PTPRN2: variants seen among roughly 807,000 people sequenced by gnomAD.
PTPRN2 encodes receptor-type tyrosine-protein phosphatase N2.
Under a neutral mutation model 118.8 loss-of-function variants are expected in PTPRN2, and 74 were observed. The ratio of observed to expected loss-of-function variants is 0.62; its 90% CI spans 0.52 to 0.76. The LOEUF is 0.76. PTPRN2 is among the 30% of genes least tolerant of loss of function. The pLI, the probability that PTPRN2 is intolerant of heterozygous loss-of-function variation, is 0.00. For synonymous variants in PTPRN2, 641 were observed against 608.0 expected, an observed-to-expected ratio of 1.05 and a Z score of -0.80; for missense variants, 1,481 against 1,394.4, an observed-to-expected ratio of 1.06 and a Z score of -0.99.
intron 11 of PTPRN2, among the ~76,000 whole-genome samples, chr7:157,932,629 TG>T (rs1189751903): frequency 6.6e-6 from 1 of 151,472 alleles, no homozygotes; most frequent in Non-Finnish European, 1.5e-5. Context: ...ACAGTAGGGT[TG>T]GGTCATTCTG....
At chr7:157,651,916 G>C (rs1333921354) in intron 14 of PTPRN2, among the ~76,000 whole-genome samples, 2 of 152,136 alleles carry the variant, frequency 1.3e-5, no homozygotes, top group Non-Finnish European at 2.9e-5. Context: ...CCTCCTCTGA[G>C]TGCTCCATTC....
intron 1 of PTPRN2, among the ~76,000 whole-genome samples, chr7:158,538,097 TC>T (rs371139638): frequency 6.6e-6 from 1 of 152,182 alleles, no homozygotes; most frequent in Non-Finnish European, 1.5e-5. Flanking sequence ...GGACAGAGGG[TC>T]CCCCTGTGGA....
chr7:157,745,317 A>G (rs1357600896), intron 12 of PTPRN2, among the ~76,000 whole-genome samples: 1 of 152,046 alleles, frequency 6.6e-6, no homozygotes, highest in Non-Finnish European at 1.5e-5. Context: ...AAGCTTCTGC[A>G]CGGACTCGTC....
At chr7:158,042,553 C>T (rs1480766197) in intron 11 of PTPRN2, among the ~76,000 whole-genome samples, 2 of 152,196 alleles carry the variant, frequency 1.3e-5, no homozygotes, top group Non-Finnish European at 1.5e-5. Context: ...TTACTTTCCC[C>T]GCACTTAACA....
rs113420400 is a variant in PTPRN2, at chr7:158,482,775, G to A, written c.163+6960C>T. ...TATTCACAAATGAGCCCATTCACTA[G>A]TTTTTCTTGGGCAATTTCTGAAGCA... On this transcript the variant is annotated intron_variant, in intron 2 of 22. Coordinates refer to ENST00000389418, the MANE Select transcript of PTPRN2 (RefSeq NM_002847.5). Among the ~76,000 whole-genome samples the A allele has an allele frequency of 5.9e-4, 90 of 152,132 alleles. 1 individual carries two copies. Among genetic ancestry groups the A allele is most frequent in the Non-Finnish European group, 2.9e-4 (20 of 68,038 alleles).
At chr7:157,737,535 A>T (rs1361965489) in intron 12 of PTPRN2, among the ~76,000 whole-genome samples, 4 of 152,202 alleles carry the variant, frequency 2.6e-5, no homozygotes, top group African/African-American at 9.6e-5. Context: ...TTCCCTGGTT[A>T]TCCCCTGAGG....
In PTPRN2 at chr7:158,526,690, C is replaced by T. The variant is rs1340317668; in HGVS notation, c.113-36905G>A. 1.3e-5 allele frequency among the ~76,000 whole-genome samples: 2 copies of T among 152,098 alleles called. No individual in the cohort carries two copies. Among genetic ancestry groups the T allele is most frequent in the Non-Finnish European group, 2.9e-5 (2 of 68,026 alleles). Reference sequence around the variant, plus strand: ...CGAGGTCGCCGGATGGGCCCGGATCCAGGCTGACTGGGTCCTTATGGAGGA... The same window carrying T: ...CGAGGTCGCCGGATGGGCCCGGATCTAGGCTGACTGGGTCCTTATGGAGGA... On this transcript the variant is annotated intron_variant, in intron 1 of 22. Transcript: ENST00000389418. This position sits in a 1 kb window ranked among gnomAD's most constrained non-coding sequence, Gnocchi z 5.2.
chr7:157,923,336 G>T (rs1039309713), intron 11 of PTPRN2, among the ~76,000 whole-genome samples: 2 of 152,168 alleles, frequency 1.3e-5, no homozygotes, highest in Non-Finnish European at 2.9e-5. Flanking sequence ...GTGTGTTCTG[G>T]CAGGGCAAGA....
chr7:158,146,486 C>G (rs568599062), intron 6 of PTPRN2, among the ~76,000 whole-genome samples: 1 of 152,150 alleles, frequency 6.6e-6, no homozygotes, highest in South Asian at 2.1e-4. Flanking sequence ...CTTTGGGACG[C>G]TGAGGCATGC....
At chr7:157,957,441 T>C (rs1278563221) in intron 11 of PTPRN2, among the ~76,000 whole-genome samples, 10 of 152,210 alleles carry the variant, frequency 6.6e-5, no homozygotes, top group African/African-American at 4.8e-5. Context: ...CAGAGCATTA[T>C]GGCCAAATAA....
intron 3 of PTPRN2, among the ~76,000 whole-genome samples, chr7:158,304,633 A>G (rs1267897106): frequency 6.6e-6 from 1 of 152,258 alleles, no homozygotes; most frequent in Non-Finnish European, 1.5e-5. Context: ...AACACTAAGC[A>G]GGGTCTTCCA....
intron 4 of PTPRN2, among the ~76,000 whole-genome samples, chr7:158,200,953 T>G (rs1283904902): frequency 6.6e-6 from 1 of 152,022 alleles, no homozygotes; most frequent in Non-Finnish European, 1.5e-5. Flanking sequence ...ATAGCGTAAA[T>G]AAGTTTTACT....
intron 5 of PTPRN2, among the ~76,000 whole-genome samples, chr7:158,184,151 G>C (rs1261007357): frequency 6.6e-6 from 1 of 152,038 alleles, no homozygotes; most frequent in Non-Finnish European, 1.5e-5. Flanking sequence ...CAAAGTTCTA[G>C]TTATCAATTT....
intron 2 of PTPRN2, among the ~76,000 whole-genome samples, chr7:158,464,514 T>C (rs112386433): frequency 7.0e-6 from 1 of 142,642 alleles, no homozygotes; most frequent in African/African-American, 2.7e-5. Flanking sequence ...TCCTTCATCA[T>C]CACCATCATC....
At chr7:158,358,368 C>T (rs1340743007) in intron 2 of PTPRN2, among the ~76,000 whole-genome samples, 1 of 152,214 alleles carries the variant, frequency 6.6e-6, no homozygotes, top group African/African-American at 2.4e-5. Flanking sequence ...TGGAGGAGGG[C>T]TGCAGGCGGC....
At chr7:158,200,750 T>TA in intron 4 of PTPRN2, among the ~76,000 whole-genome samples, 1 of 152,248 alleles carries the variant, frequency 6.6e-6, no homozygotes, top group South Asian at 2.1e-4. Flanking sequence ...ATTTGAAGTT[T>TA]AAAAACAACA....
chr7:158,018,696 C>T (rs1806624981), intron 11 of PTPRN2, among the ~76,000 whole-genome samples: 1 of 152,102 alleles, frequency 6.6e-6, no homozygotes, highest in Non-Finnish European at 1.5e-5. Flanking sequence ...CACAGTGGCT[C>T]ACTCCTGTAA....
intron 2 of PTPRN2, among the ~76,000 whole-genome samples, chr7:158,402,067 C>A (rs556552908): frequency 1.3e-5 from 2 of 151,884 alleles, no homozygotes; most frequent in Non-Finnish European, 1.5e-5. Context: ...CAGGGAGAGG[C>A]GGGACACGGG....
chr7:158,513,951 T>C (rs1224855299), intron 1 of PTPRN2, among the ~76,000 whole-genome samples: 1 of 152,206 alleles, frequency 6.6e-6, no homozygotes, highest in Admixed American at 6.5e-5. Context: ...ATACACTAAG[T>C]TGATATTTCA....
Sources: gnomAD v4.1 joint callset for allele counts (sites outside exome capture counted in the v4.1 genomes callset) on GRCh38, gnomAD v4.1.1 for gene constraint, Gnocchi (gnomAD v3.1) non-coding constraint, MANE v1.5 for transcripts, NCBI Gene and HGNC (gene_info 2026-07-23, HGNC 2026-07-21) for gene names.